Variants in ZNF746 observed in about 807,000 individuals in gnomAD.
ZNF746 encodes zinc finger protein 746, also known as parkin-interacting substrate.
A neutral mutation model predicts 41.0 loss-of-function variants in ZNF746; 13 were observed. The observed-to-expected ratio is 0.32, with a 90% CI of 0.21 to 0.50. ZNF746 has a LOEUF of 0.50. Among genes scored for constraint, ZNF746 ranks in the 20% least tolerant of loss-of-function variants. ZNF746 has a pLI of 0.98. For missense variants in ZNF746, 811 were observed against 922.9 expected, an observed-to-expected ratio of 0.88 and a Z score of 1.57; for synonymous variants, 424 against 396.2, an observed-to-expected ratio of 1.07 and a Z score of -0.83.
At position 149,494,569 on chromosome 7, in the gene ZNF746, T is replaced by C. The variant is rs945341461; in HGVS notation, c.25-66A>G. 5 of 1,586,512 alleles carry C rather than the reference T, an allele frequency of 3.2e-6. No individual in the cohort carries two copies. Among genetic ancestry groups the C allele is most frequent in the African/African-American group, 2.7e-5 (2 of 74,312 alleles). ...CCACTGTCTTCATTGAGCCCCTCTCTCCCTAGGCACGGGGGAGTTGGGCTG... is the reference window on the plus strand; with the variant it reads ...CCACTGTCTTCATTGAGCCCCTCTCCCCCTAGGCACGGGGGAGTTGGGCTG... On this transcript the variant is annotated intron_variant, in intron 1 of 6. Transcript: ENST00000458143. The surrounding 1 kb of genome is among the most constrained non-coding windows in gnomAD (Gnocchi z 5.6).
chr7:149,492,844 T>C lies in ZNF746; in HGVS notation c.565+15A>G, dbSNP rs1800854680. Reference sequence around the variant, plus strand: ...ACAATACCTGATGCCTCCCTGGCCTTCTCCCAGCCCTTACCTGGACTGGGG... The same window carrying C: ...ACAATACCTGATGCCTCCCTGGCCTCCTCCCAGCCCTTACCTGGACTGGGG... On this transcript the variant is annotated intron_variant, in intron 4 of 6. Transcript: ENST00000458143. 3.1e-6 allele frequency: 5 copies of C among 1,599,162 alleles called. No homozygotes were observed. Among genetic ancestry groups the C allele is most frequent in the Non-Finnish European group, 3.4e-6 (4 of 1,167,374 alleles).
At position 149,476,915 on chromosome 7, in the gene ZNF746, C is replaced by T. The variant is rs1800319183; in HGVS notation, c.883+7G>A. 1.2e-6 allele frequency: 2 copies of T among 1,614,030 alleles called. No individual in the cohort carries two copies. Among genetic ancestry groups the T allele is most frequent in the Non-Finnish European group, 1.7e-6 (2 of 1,179,990 alleles). On this transcript the variant is annotated splice_region_variant and intron_variant, in intron 6 of 6. Transcript: ENST00000458143. Reference sequence around the variant, plus strand: ...GGCCCTTCCCTTCCTCCTCTCGCCACCTGTACCTTCCGTGGAGGCTGCTGT... The same window carrying T: ...GGCCCTTCCCTTCCTCCTCTCGCCATCTGTACCTTCCGTGGAGGCTGCTGT...
chr7:149,494,129 T>C lies in ZNF746; in HGVS notation c.325-14A>G, dbSNP rs1800904394. On this transcript the variant is annotated splice_polypyrimidine_tract_variant and intron_variant, in intron 2 of 6. Coordinates refer to ENST00000458143, the MANE Select transcript of ZNF746 (RefSeq NM_001394198.1). This position sits in a 1 kb window ranked among gnomAD's most constrained non-coding sequence, Gnocchi z 5.6. The stretch of plus-strand genomic sequence containing the variant: ...GGTCACGGGCACCTGGAACCACAAG[T>C]GTCACACTCGCTCACCCACACGCTC... 4.3e-6 allele frequency: 7 copies of C among 1,614,034 alleles called. No individual in the cohort carries two copies. In the East Asian group the frequency reaches 6.7e-5, roughly 15 times the overall value.
In ZNF746 at chr7:149,473,080, G is replaced by C. The variant is rs1334248916; in HGVS notation, c.*1304C>G. 1 of 152,004 alleles carries C rather than the reference G, an allele frequency of 6.6e-6. No individual in the cohort carries two copies. The highest frequency in any genetic ancestry group is 6.6e-5 in the Admixed American group (1 of 15,258). The allele number at this position is 152,004 out of a possible 1,614,324, so 9.4% of individuals were successfully genotyped here. On this transcript the variant is annotated 3_prime_UTR_variant, in exon 7 of 7. Transcript: ENST00000458143. The stretch of plus-strand genomic sequence containing the variant: ...GCACTGTGGTCGAATCAAGAAATCT[G>C]GGCCCACCTTTATGATGTTAGATGC...
Position 149,474,809 on chromosome 7 carries a change from C to T in ZNF746, c.1558G>A (p.Ala520Thr), listed in dbSNP as rs1213630771. 2 of 1,499,506 alleles carry T rather than the reference C, an allele frequency of 1.3e-6. No homozygotes were observed. The highest frequency in any genetic ancestry group is 1.4e-5 in the African/African-American group (1 of 70,758). The allele number at this position is 1,499,506 out of a possible 1,614,324, so 92.9% of individuals were successfully genotyped here. A position where few individuals can be genotyped will look rare whatever the true frequency, so the allele number is the denominator to read the frequency against. The part of the protein sequence containing the change: ...GGGGGSGGGS[A>T]RDGSALRCGE... ...CACCGAAGGGCGCTGCCATCCCGTGCGCTGCCCCCACCGCTGCCGCCACCG... is the reference window on the plus strand; with the variant it reads ...CACCGAAGGGCGCTGCCATCCCGTGTGCTGCCCCCACCGCTGCCGCCACCG... The change falls in exon 7 of 7, where the codon GCA becomes ACA. Residue 520 changes from alanine to threonine, a missense_variant. Transcript: ENST00000458143. The surrounding 1 kb of genome is among the most constrained non-coding windows in gnomAD (Gnocchi z 6.3).
chr7:149,475,528 T>A, intron 6 of ZNF746, 45 bp from the exon 7 acceptor site: 2 of 1,548,366 alleles, frequency 1.3e-6, no homozygotes, highest in Non-Finnish European at 1.7e-6. Context: ...CCTTAACTGC[T>A]GAGCGAGCCA....
chr7:149,475,334 A>G lies in ZNF746; in HGVS notation c.1033T>C (p.Trp345Arg), dbSNP rs1800260980. Residue 345 changes from tryptophan to arginine, a missense_variant, in exon 7 of 7, where the codon TGG (tryptophan) becomes CGG (arginine). Physicochemically the swap from Trp to Arg is moderately radical, Grantham distance 101. Around this residue, in one of 4 missense-constraint regions of ZNF746, gnomAD observed 495 missense variants for 481.6 expected, o/e 1.03. Coordinates refer to ENST00000458143, the MANE Select transcript of ZNF746 (RefSeq NM_001394198.1). ...FFPSPAQEGAWESQGSSFPSQ... is the reference protein window; with the variant it reads ...FFPSPAQEGARESQGSSFPSQ... ...GGGAAGGAGCTGCCCTGGCTTTCCC[A>G]GGCTCCTTCCTGGGCAGGACTAGGG... is the stretch of plus-strand genomic sequence containing the variant. 3.1e-6 allele frequency: 5 copies of G among 1,613,878 alleles called. No individual in the cohort carries two copies. The highest frequency in any genetic ancestry group is 4.2e-6 in the Non-Finnish European group (5 of 1,179,980).
chr7:149,485,591 T>G (rs1800601161), intron 4 of ZNF746, among the ~76,000 whole-genome samples: 1 of 152,226 alleles, frequency 6.6e-6, no homozygotes, highest in East Asian at 1.9e-4. Context: ...ATTTCTTAAT[T>G]GCTTAAGACA....
At position 149,480,089 on chromosome 7, in the gene ZNF746, T is replaced by C. The variant is rs371406496; in HGVS notation, c.566-2334A>G. Among the ~76,000 whole-genome samples, 394 of 152,326 alleles carry C rather than the reference T, an allele frequency of 2.6e-3. 13 individuals are homozygous for C. The South Asian group carries it at 0.078, about 30-fold the overall frequency. ...CTGTAGCTTGAAGTGGTCCTAAGTC[T>C]GCATTGGCATCAGATGACCAGCTGA... On this transcript the variant is annotated intron_variant, in intron 4 of 6. Transcript: ENST00000458143.
chr7:149,479,532 A>G (rs1283381193), intron 4 of ZNF746, among the ~76,000 whole-genome samples: 1 of 152,260 alleles, frequency 6.6e-6, no homozygotes, highest in Non-Finnish European at 1.5e-5. Context: ...ATTTTCAAAA[A>G]AGAAAAAGAC....
rs1333466678 is a variant in ZNF746 at position 149,475,099 on chromosome 7, T to A, written c.1268A>T (p.Asn423Ile). ...GCTGGGGTCCAAGATGGCCTCTCCG[T>A]TGTCCGGGGAGGAGTAAGGAAGCCC... Reference protein sequence around the residue: ...PEGLPYSSPDNGEAILDPSQA... With the variant: ...PEGLPYSSPDIGEAILDPSQA... Residue 423 changes from asparagine to isoleucine, a missense_variant, in exon 7 of 7, where the codon AAC becomes ATC. Asn to Ile is a moderately radical substitution (Grantham distance 149). Around this residue, in one of 4 missense-constraint regions of ZNF746, gnomAD observed 495 missense variants for 481.6 expected, o/e 1.03. Coordinates refer to ENST00000458143, the MANE Select transcript of ZNF746 (RefSeq NM_001394198.1). 2 of 1,607,814 alleles carry A rather than the reference T, an allele frequency of 1.2e-6. No homozygotes were observed. The highest frequency in any genetic ancestry group is 2.2e-5 in the East Asian group (1 of 44,708).
At chr7:149,484,963 G>T (rs755938029) in intron 4 of ZNF746, among the ~76,000 whole-genome samples, 1 of 152,022 alleles carries the variant, frequency 6.6e-6, no homozygotes, top group Non-Finnish European at 1.5e-5. Context: ...GAGGAAGACA[G>T]GTGAGGCTAA....
In ZNF746 at chr7:149,473,708, A is replaced by G. The variant is rs1048232152; in HGVS notation, c.*676T>C. ...GCCAGGGAGTCACACACTAGGGGACACCACCAAGTGCCCTTGGGACGGGTA... is the reference window on the plus strand; with the variant it reads ...GCCAGGGAGTCACACACTAGGGGACGCCACCAAGTGCCCTTGGGACGGGTA... On this transcript the variant is annotated 3_prime_UTR_variant, in exon 7 of 7. Transcript: ENST00000458143. 6.5e-6 allele frequency: 1 copy of G among 154,540 alleles called. No individual in the cohort carries two copies. The highest frequency in any genetic ancestry group is 2.4e-5 in the African/African-American group (1 of 41,476). 9.6% of individuals were successfully genotyped at this position (154,540 alleles called of 1,614,324 possible). A position where few individuals can be genotyped will look rare whatever the true frequency, so the allele number is the denominator to read the frequency against.
Position 149,477,910 on chromosome 7 carries a change from G to A in ZNF746, c.566-155C>T, listed in dbSNP as rs77900517. 3.0e-3 allele frequency: 1,742 copies of A among 588,724 alleles called. 28 individuals carry two copies. The highest frequency in any genetic ancestry group is 0.028 in the African/African-American group (1,505 of 53,634). 36.5% of individuals were successfully genotyped at this position (588,724 alleles called of 1,614,324 possible). A position where few individuals can be genotyped will look rare whatever the true frequency, so the allele number is the denominator to read the frequency against. ...GGAGGCAGCAGCAAACAGGATGGGA[G>A]CCTAGGGCAGAGCCTGAGGTCACAT... On this transcript the variant is annotated intron_variant, in intron 4 of 6. Coordinates refer to ENST00000458143, the MANE Select transcript of ZNF746 (RefSeq NM_001394198.1).
In ZNF746 at chr7:149,475,065, TG is replaced by T; in HGVS notation, c.1301del (p.Pro434GlnfsTer23). ...GEAILDPSQA[P>X]RPFNEPCKYP... ...ATTTACAGGGTTCGTTGAATGGCCT[TG>T]GGGCCTGGCTGGGGTCCAAGATGGC... On this transcript the variant is annotated frameshift_variant, in exon 7 of 7. Coordinates refer to ENST00000458143, the MANE Select transcript of ZNF746 (RefSeq NM_001394198.1). LOFTEE classifies it low-confidence loss of function (END_TRUNC). The T allele has an allele frequency of 6.3e-7, 1 of 1,590,488 alleles. No homozygotes were observed. The highest frequency in any genetic ancestry group is 8.6e-7 in the Non-Finnish European group (1 of 1,169,270).
chr7:149,496,543 C>A (rs565188997), intron 1 of ZNF746, among the ~76,000 whole-genome samples: 40 of 152,284 alleles, frequency 2.6e-4, no homozygotes, highest in Non-Finnish European at 4.4e-4. Flanking sequence ...AAACCATCTT[C>A]TCCAGGCTCA....
At chr7:149,485,175 G>C (rs1420534588) in intron 4 of ZNF746, among the ~76,000 whole-genome samples, 1 of 146,084 alleles carries the variant, frequency 6.8e-6, no homozygotes, top group Non-Finnish European at 1.5e-5. Context: ...AAAGAACCTA[G>C]GAATAGATCT....
intron 4 of ZNF746, among the ~76,000 whole-genome samples, chr7:149,479,467 G>C (rs1360393562): frequency 1.3e-5 from 2 of 152,102 alleles, no homozygotes; most frequent in Non-Finnish European, 2.9e-5. Context: ...TCTCATATAT[G>C]AACAGATATG....
rs1406542229 is a variant in ZNF746, at chr7:149,497,427, C to A, written c.24+86G>T. On this transcript the variant is annotated intron_variant, in intron 1 of 6. Transcript: ENST00000458143. The surrounding 1 kb of genome is among the most constrained non-coding windows in gnomAD (Gnocchi z 4.2). ...GTCCGGCCCGGACCCCGGAACCCCTCCCCAGGGCCTGCGGCGCCGTGTGCC... is the reference window on the plus strand; with the variant it reads ...GTCCGGCCCGGACCCCGGAACCCCTACCCAGGGCCTGCGGCGCCGTGTGCC... 7 of 1,038,590 alleles carry A rather than the reference C, an allele frequency of 6.7e-6. No individual in the cohort carries two copies. Among genetic ancestry groups the A allele is most frequent in the Non-Finnish European group, 6.9e-6 (6 of 863,512 alleles). 64.3% of individuals were successfully genotyped at this position (1,038,590 alleles called of 1,614,324 possible).
Sources: gnomAD v4.1 joint callset for allele counts (sites outside exome capture counted in the v4.1 genomes callset) on GRCh38, gnomAD v4.1.1 for gene constraint, gnomAD v4.1.1 regional missense constraint, Gnocchi (gnomAD v3.1) non-coding constraint, MANE v1.5 for transcripts, NCBI Gene and HGNC (gene_info 2026-07-23, HGNC 2026-07-21) for gene names.